Variants in SVIL observed in about 807,000 individuals in gnomAD.
The protein encoded by SVIL is supervillin.
Under a neutral mutation model 240.4 loss-of-function variants are expected in SVIL, and 101 were observed. That is an observed-to-expected ratio of 0.42 (90% confidence interval 0.36 to 0.50). The LOEUF (loss-of-function observed/expected upper bound fraction) is 0.50. Ranked by LOEUF, SVIL falls within the 20% of genes least tolerant of loss-of-function variation. SVIL has a pLI of 0.01. For missense variants in SVIL, 2,512 were observed against 2,818.7 expected, an observed-to-expected ratio of 0.89 and a Z score of 2.46; for synonymous variants, 999 against 1,100.0, an observed-to-expected ratio of 0.91 and a Z score of 1.82.
chr10:29,645,557 GA>G (rs1958629111), intron 3 of SVIL, among the ~76,000 whole-genome samples: 1 of 152,128 alleles, frequency 6.6e-6, no homozygotes, highest in African/African-American at 2.4e-5. Flanking sequence ...GCGATAGAGT[GA>G]AACTCCGTCT....
At chr10:29,474,065 C>G in intron 29 of SVIL, 76 bp from the exon 30 acceptor site, 1 of 1,556,192 alleles carries the variant, frequency 6.4e-7, no homozygotes, top group South Asian at 1.2e-5. Flanking sequence ...GGCTCACTTT[C>G]CCCGGGCCTG....
chr10:29,692,563 C>T (rs375788598), intron 1 of SVIL, among the ~76,000 whole-genome samples: 5 of 151,766 alleles, frequency 3.3e-5, no homozygotes, highest in Non-Finnish European at 5.9e-5. Context: ...CTGCTACACA[C>T]GGAATACAAT....
In SVIL at chr10:29,522,474, T is replaced by C. The variant is rs1480773270; in HGVS notation, c.3325A>G (p.Ile1109Val). ...NPCAMFAAGE[I>V]KTPTGEGLLD... ...AGGCCCTCCCCTGTCGGCGTTTTGA[T>C]CTCTCCAGCAGCAAACATCGCACAT... Residue 1109 changes from isoleucine to valine, a missense_variant, in exon 16 of 38, where the codon ATC becomes GTC. Physicochemically the swap from Ile to Val is conservative, Grantham distance 29 (BLOSUM62 3). This residue lies in a region of SVIL where 1,443 missense variants were observed against 1,486.6 expected (regional missense o/e 0.97). Transcript: ENST00000355867. 1 of 1,614,220 alleles carries C rather than the reference T, an allele frequency of 6.2e-7. No homozygotes were observed. Among genetic ancestry groups the C allele is most frequent in the South Asian group, 1.1e-5 (1 of 91,082 alleles).
intron 1 of SVIL, among the ~76,000 whole-genome samples, chr10:29,625,277 GAAGTA>G (rs1470332472): frequency 1.3e-5 from 2 of 152,132 alleles, no homozygotes; most frequent in African/African-American, 2.4e-5. Flanking sequence ...AAGTAAGAAA[GAAGTA>G]AAGTGGATCC....
At position 29,551,144 on chromosome 10, in the gene SVIL, C is replaced by G; in HGVS notation, c.280G>C (p.Asp94His). 1 of 1,614,136 alleles carries G rather than the reference C, an allele frequency of 6.2e-7. No individual in the cohort carries two copies. Among genetic ancestry groups the G allele is most frequent in the South Asian group, 1.1e-5 (1 of 91,084 alleles). ...GDSPYGSGTMDTHSLESKAER... is the reference protein window; with the variant it reads ...GDSPYGSGTMHTHSLESKAER... ...GCTTTGGACTCCAGACTGTGGGTGTCCATGGTACCCGAACCATAGGGTGAG... is the reference window on the plus strand; with the variant it reads ...GCTTTGGACTCCAGACTGTGGGTGTGCATGGTACCCGAACCATAGGGTGAG... The change falls in exon 6 of 38, where the codon GAC (aspartate) becomes CAC (histidine). Residue 94 changes from aspartate to histidine, a missense_variant. By Grantham distance (81) the Asp-to-His change is moderately conservative. Coordinates refer to ENST00000355867, the MANE Select transcript of SVIL (RefSeq NM_021738.3).
chr10:29,670,991 T>C (rs1255628656), intron 2 of SVIL: 1 of 152,174 alleles, frequency 6.6e-6, no homozygotes, highest in Non-Finnish European at 1.5e-5. Flanking sequence ...CATCCAACCC[T>C]AAGAGCAACA....
intron 16 of SVIL, among the ~76,000 whole-genome samples, chr10:29,515,152 TG>T (rs1950124521): frequency 6.6e-6 from 1 of 152,192 alleles, no homozygotes; most frequent in African/African-American, 2.4e-5. Context: ...TCTCTAGAAC[TG>T]GGGTAAGGCT....
intron 1 of SVIL, among the ~76,000 whole-genome samples, chr10:29,732,513 A>G (rs1042549195): frequency 6.6e-6 from 1 of 152,210 alleles, no homozygotes; most frequent in Admixed American, 6.5e-5. Context: ...AAATAGCTAT[A>G]CTGGTTGCTC....
intron 3 of SVIL, among the ~76,000 whole-genome samples, chr10:29,556,362 T>C (rs1404447190): frequency 6.6e-6 from 1 of 152,132 alleles, no homozygotes; most frequent in East Asian, 1.9e-4. Context: ...TCAAAGGAAT[T>C]TGATGTTTGA....
intron 23 of SVIL, 136 bp downstream of exon 23, chr10:29,488,465 A>G: frequency 9.6e-7 from 1 of 1,041,402 alleles, no homozygotes; most frequent in Non-Finnish European, 1.3e-6. Context: ...TTGCATAGCA[A>G]GGAACACACA....
In SVIL at chr10:29,663,603, T is replaced by C. The variant is rs529753981; in HGVS notation, c.-300-5535A>G. 2.0e-5 allele frequency among the ~76,000 whole-genome samples: 3 copies of C among 152,264 alleles called. No individual in the cohort carries two copies. The East Asian group carries it at 5.8e-4, about 29-fold the overall frequency. ...ACTCCTGACCTCAAGTGATCTGCCC[T>C]GCTTGGCCTCCCAAAGTGCTGGGAT... is the stretch of plus-strand genomic sequence containing the variant. On this transcript the variant is annotated intron_variant, in intron 2 of 35. Transcript: ENST00000375400.
At chr10:29,669,044 CAAAT>C (rs987028978) in intron 2 of SVIL, among the ~76,000 whole-genome samples, 17 of 152,028 alleles carry the variant, frequency 1.1e-4, no homozygotes, top group Non-Finnish European at 2.5e-4. Context: ...GAGTAACTGA[CAAAT>C]AAATAAATGA....
chr10:29,701,666 TC>T (rs1194704016), intron 1 of SVIL, among the ~76,000 whole-genome samples: 1 of 152,200 alleles, frequency 6.6e-6, no homozygotes, highest in East Asian at 1.9e-4. Context: ...GTGTAGGAAA[TC>T]ATTCATCACA....
At chr10:29,705,996 G>C (rs1271444668) in intron 1 of SVIL, among the ~76,000 whole-genome samples, 2 of 151,792 alleles carry the variant, frequency 1.3e-5, no homozygotes, top group Non-Finnish European at 2.9e-5. Context: ...TATTCCTTTG[G>C]GTATATACTG....
chr10:29,593,418 C>G (rs1956464880), intron 1 of SVIL, among the ~76,000 whole-genome samples: 1 of 152,172 alleles, frequency 6.6e-6, no homozygotes, highest in Admixed American at 6.5e-5. Context: ...ATTTCTCACT[C>G]CCCATCTGCC....
At position 29,484,528 on chromosome 10, in the gene SVIL, C is replaced by T. The variant is rs1947208470; in HGVS notation, c.4955+128G>A. The T allele has an allele frequency of 4.5e-6, 3 of 668,304 alleles. No homozygotes were observed. Among genetic ancestry groups the T allele is most frequent in the South Asian group, 6.0e-5 (2 of 33,480 alleles). 41.4% of individuals were successfully genotyped at this position (668,304 alleles called of 1,614,324 possible). ...GTTCCTTTTGTGAATATTCACAGTCCACTGCATATAATCGTTTATGAAAAC... is the reference window on the plus strand; with the variant it reads ...GTTCCTTTTGTGAATATTCACAGTCTACTGCATATAATCGTTTATGAAAAC... On this transcript the variant is annotated intron_variant, in intron 27 of 37. Coordinates refer to ENST00000355867, the MANE Select transcript of SVIL (RefSeq NM_021738.3). This position sits in a 1 kb window ranked among gnomAD's most constrained non-coding sequence, Gnocchi z 4.7.
At chr10:29,497,720 A>T (rs1948552847) in intron 18 of SVIL, among the ~76,000 whole-genome samples, 2 of 152,192 alleles carry the variant, frequency 1.3e-5, no homozygotes, top group African/African-American at 4.8e-5. Context: ...GAGGGGATAA[A>T]CTTCTTTATT....
intron 1 of SVIL, among the ~76,000 whole-genome samples, chr10:29,700,836 A>G (rs1411186941): frequency 6.6e-6 from 1 of 151,988 alleles, no homozygotes; most frequent in Non-Finnish European, 1.5e-5. Flanking sequence ...ACCTGCAATC[A>G]CGATTTCAGT....
Position 29,619,522 on chromosome 10 carries a change from T to C in SVIL, c.-201+14898A>G, listed in dbSNP as rs576559720. Among the ~76,000 whole-genome samples, 12 of 152,338 alleles carry C rather than the reference T, an allele frequency of 7.9e-5. No homozygotes were observed. The East Asian group carries it at 1.2e-3, about 15-fold the overall frequency. ...ACCAAAGCTGGAATGGAGAGCTCCC[T>C]GGAAGTGTAAGAGCCAAACTCACAG... On this transcript the variant is annotated intron_variant, in intron 1 of 37. Coordinates refer to ENST00000355867, the MANE Select transcript of SVIL (RefSeq NM_021738.3).
Sources: gnomAD v4.1 joint callset for allele counts (sites outside exome capture counted in the v4.1 genomes callset) on GRCh38, gnomAD v4.1.1 for gene constraint, gnomAD v4.1.1 regional missense constraint, Gnocchi (gnomAD v3.1) non-coding constraint, MANE v1.5 for transcripts, NCBI Gene and HGNC (gene_info 2026-07-23, HGNC 2026-07-21) for gene names.